ZNF235: variants seen among roughly 807,000 people sequenced by gnomAD.
The protein encoded by ZNF235 is zinc finger protein 235, also known as zfp-93.
ZNF235 carries 25 observed loss-of-function variants against 29.4 expected under a neutral mutation model. That is an observed-to-expected ratio of 0.85 (90% CI 0.62 to 1.19). The LOEUF (loss-of-function observed/expected upper bound fraction) is 1.19. Among genes scored for constraint, ZNF235 ranks in the 50% most tolerant of loss-of-function variants. ZNF235 has a pLI of 0.00. For missense variants in ZNF235, 788 were observed against 885.0 expected (o/e 0.89, Z 1.39); for synonymous variants, 300 against 295.3 (o/e 1.02, Z -0.16).
At position 44,287,610 on chromosome 19, in the gene ZNF235, T is replaced by C; in HGVS notation, c.1825A>G (p.Ser609Gly). The C allele has an allele frequency of 6.2e-7, 1 of 1,614,162 alleles. No individual in the cohort carries two copies. Among genetic ancestry groups the C allele is most frequent in the Non-Finnish European group, 8.5e-7 (1 of 1,180,010 alleles). Residue 609 changes from serine (S) to glycine (G), a missense_variant, in exon 5 of 5, where the codon AGT becomes GGT. Physicochemically the swap from Ser to Gly is moderately conservative, Grantham distance 56 (BLOSUM62 0). Transcript: ENST00000291182. ...FKCDACQKRFSQASHLQAHQR... is the reference protein window; with the variant it reads ...FKCDACQKRFGQASHLQAHQR... ...TGGGCTTGAAGGTGTGAGGCCTGAC[T>C]GAATCGCTTCTGACATGCATCACAC...
chr19:44,303,720 A>G (rs747809196), intron 1 of ZNF235, among the ~76,000 whole-genome samples: 15 of 152,196 alleles, frequency 9.9e-5, no homozygotes, highest in Non-Finnish European at 1.8e-4. Context: ...AGGAAATGAG[A>G]CACAGACAGG....
chr19:44,299,994 T>A (rs1354329213), intron 2 of ZNF235, among the ~76,000 whole-genome samples: 1 of 152,208 alleles, frequency 6.6e-6, no homozygotes, highest in Non-Finnish European at 1.5e-5. Flanking sequence ...TTGCATTAAT[T>A]TCTTCCCAAC....
chr19:44,298,980 T>A, intron 3 of ZNF235, 77 bp from the exon 4 acceptor site: 1 of 1,022,982 alleles, frequency 9.8e-7, no homozygotes, highest in Non-Finnish European at 1.5e-6. Context: ...TCACATGATG[T>A]AAGTCTCCTC....
chr19:44,299,688 C>T lies in ZNF235; in HGVS notation c.60G>A (p.Glu20=), dbSNP rs778214561. The part of the protein sequence containing the change: ...FKDVAVAFTE[E]ELGLLDSAQR... ...GGGCAGAGTCCAGCAGCCCCAGCTCCTCCTCAGTGAAGGCCACAGCCACAT... is the reference window on the plus strand; with the variant it reads ...GGGCAGAGTCCAGCAGCCCCAGCTCTTCCTCAGTGAAGGCCACAGCCACAT... Residue 20 remains glutamate (E), a synonymous_variant, in exon 3 of 5, where the codon GAG becomes GAA. Transcript: ENST00000291182. 2.5e-6 allele frequency: 4 copies of T among 1,614,030 alleles called. No homozygotes were observed. Among genetic ancestry groups the T allele is most frequent in the Non-Finnish European group, 2.5e-6 (3 of 1,180,026 alleles).
rs111983732 is a variant in ZNF235 at position 44,287,268 on chromosome 19, T to A, written c.2167A>T (p.Arg723Trp). 1 of 1,612,380 alleles carries A rather than the reference T, an allele frequency of 6.2e-7. No individual in the cohort carries two copies. Among genetic ancestry groups the A allele is most frequent in the Non-Finnish European group, 8.5e-7 (1 of 1,178,998 alleles). Reference sequence around the variant, plus strand: ...CTCTGATGGTAGATGAGATGTGACCTCTGACTGAAGCCCTTACAACAGACA... The same window carrying A: ...CTCTGATGGTAGATGAGATGTGACCACTGACTGAAGCCCTTACAACAGACA... ...CDVCCKGFSQ[R>W]SHLIYHQRVH... Residue 723 changes from arginine to tryptophan, a missense_variant, in exon 5 of 5, where the codon AGG (arginine) becomes TGG (tryptophan). By Grantham distance (101) the Arg-to-Trp change is moderately radical. Transcript: ENST00000291182.
chr19:44,295,118 T>C (rs533797919), intron 4 of ZNF235, among the ~76,000 whole-genome samples: 1 of 152,154 alleles, frequency 6.6e-6, no homozygotes, highest in Admixed American at 6.5e-5. Context: ...AGAAAACCAA[T>C]CTAAATTGGA....
intron 2 of ZNF235, among the ~76,000 whole-genome samples, chr19:44,300,839 CAAAAAA>C (rs143676501): frequency 1.0e-5 from 1 of 95,906 alleles, no homozygotes; most frequent in Non-Finnish European, 2.0e-5. Flanking sequence ...GACTCCGTCT[CAAAAAA>C]AAAAAAAAAA....
chr19:44,293,242 A>T (rs1975608815), intron 4 of ZNF235, among the ~76,000 whole-genome samples: 1 of 152,164 alleles, frequency 6.6e-6, no homozygotes, highest in Non-Finnish European at 1.5e-5. Context: ...GTAGAAAAAG[A>T]TATTCCATGC....
At chr19:44,295,527 C>T (rs1486833584) in intron 4 of ZNF235, among the ~76,000 whole-genome samples, 1 of 152,068 alleles carries the variant, frequency 6.6e-6, no homozygotes, top group African/African-American at 2.4e-5. Flanking sequence ...CCAAAGCAAT[C>T]TACAAATTCA....
At chr19:44,298,684 T>C (rs1975688452) in intron 4 of ZNF235, 124 bp downstream of exon 4, 1 of 703,280 alleles carries the variant, frequency 1.4e-6, no homozygotes, top group Non-Finnish European at 2.4e-6. Context: ...GCTTGAGCCA[T>C]CGCGCCCAAC....
chr19:44,299,503 A>C, intron 3 of ZNF235, 103 bp downstream of exon 3: 2 of 1,478,752 alleles, frequency 1.4e-6, no homozygotes, highest in Non-Finnish European at 1.8e-6. Context: ...ACATCCCAAA[A>C]TACACAGGAT....
Position 44,287,100 on chromosome 19 carries a change from T to C in ZNF235, c.*118A>G, listed in dbSNP as rs533811752. On this transcript the variant is annotated 3_prime_UTR_variant, in exon 5 of 5. Transcript: ENST00000291182. ...CACAGCATTTGAGAGACTTCTTTCC[T>C]GTCAAGATTCTTTGAAGCTTCTAGT... 8 of 1,067,250 alleles carry C rather than the reference T, an allele frequency of 7.5e-6. No homozygotes were observed. The South Asian group carries it at 1.1e-4, about 15-fold the overall frequency. 66.1% of individuals were successfully genotyped at this position (1,067,250 alleles called of 1,614,324 possible). A position where few individuals can be genotyped will look rare whatever the true frequency, so the allele number is the denominator to read the frequency against.
intron 2 of ZNF235, among the ~76,000 whole-genome samples, chr19:44,302,943 T>A (rs1441454623): frequency 1.7e-4 from 23 of 139,392 alleles, no homozygotes; most frequent in African/African-American, 5.3e-4. Flanking sequence ...TATATATACA[T>A]ATTTGTATAT....
intron 4 of ZNF235, chr19:44,297,452 C>G (rs979737586): frequency 1.3e-5 from 2 of 152,898 alleles, no homozygotes; most frequent in African/African-American, 4.8e-5. Context: ...CCAATACTGA[C>G]AGAAGAAAGG....
In ZNF235 at chr19:44,298,617, G is replaced by A. The variant is rs146243321; in HGVS notation, c.238+191C>T. Reference sequence around the variant, plus strand: ...ATGTTAAAGACCCCAGGCTGGTCTTGAACTCCTGACCTCAAGTGATCCACC... The same window carrying A: ...ATGTTAAAGACCCCAGGCTGGTCTTAAACTCCTGACCTCAAGTGATCCACC... On this transcript the variant is annotated intron_variant, in intron 4 of 4. Transcript: ENST00000291182. Among the ~76,000 whole-genome samples the A allele has an allele frequency of 2.4e-3, 367 of 152,218 alleles. 3 individuals are homozygous for A. The highest frequency in any genetic ancestry group is 0.01 in the Middle Eastern group (3 of 294).
chr19:44,293,950 T>TA (rs58642226), intron 4 of ZNF235, among the ~76,000 whole-genome samples: 61 of 144,660 alleles, frequency 4.2e-4, no homozygotes, highest in East Asian at 2.6e-3. Flanking sequence ...ATGTCTACAC[T>TA]AAAAAAAAAA....
Position 44,287,642 on chromosome 19 carries a change from G to A in ZNF235, c.1793C>T (p.Pro598Leu). Residue 598 changes from proline to leucine, a missense_variant, in exon 5 of 5, where the codon CCA (proline) becomes CTA (leucine). Physicochemically the swap from Pro to Leu is moderately conservative, Grantham distance 98. Transcript: ENST00000291182. ...AHQSVHTGEK[P>L]FKCDACQKRF... ...CTTCTGACATGCATCACACTTGAAT[G>A]GTTTTTCCCCAGTGTGGACGCTCTG... 6.2e-7 allele frequency: 1 copy of A among 1,613,832 alleles called. No individual in the cohort carries two copies. Among genetic ancestry groups the A allele is most frequent in the Non-Finnish European group, 8.5e-7 (1 of 1,179,854 alleles).
rs1046404833 is a variant in ZNF235, at chr19:44,286,974, G to C, written c.*244C>G. On this transcript the variant is annotated 3_prime_UTR_variant, in exon 5 of 5. Transcript: ENST00000291182. ...TACATCTTGAGAACCGGGACACCTGGTACTCTGATATAAACACTGATCATA... is the reference window on the plus strand; with the variant it reads ...TACATCTTGAGAACCGGGACACCTGCTACTCTGATATAAACACTGATCATA... 2 of 401,342 alleles carry C rather than the reference G, an allele frequency of 5.0e-6. No homozygotes were observed. Among genetic ancestry groups the C allele is most frequent in the Non-Finnish European group, 8.8e-6 (2 of 226,802 alleles). 24.9% of individuals were successfully genotyped at this position (401,342 alleles called of 1,614,324 possible). A position where few individuals can be genotyped will look rare whatever the true frequency, so the allele number is the denominator to read the frequency against.
intron 1 of ZNF235, among the ~76,000 whole-genome samples, chr19:44,304,255 G>A (rs1234777461): frequency 6.6e-6 from 1 of 152,154 alleles, no homozygotes; most frequent in Non-Finnish European, 1.5e-5. Context: ...TTAACCACAC[G>A]GGATTATTGG....
Sources: allele counts gnomAD v4.1 joint callset (sites outside exome capture counted in the v4.1 genomes callset), GRCh38; gene constraint gnomAD v4.1.1; transcripts MANE v1.5; gene names NCBI Gene and HGNC (gene_info 2026-07-23, HGNC 2026-07-21).